The following SRPK2 variants were observed in gnomAD, a reference collection of about 807,000 sequenced individuals.
SRPK2 encodes the protein SFRS protein kinase 2.
SRPK2 carries 21 observed loss-of-function variants against 90.8 expected under a neutral mutation model. The ratio of observed to expected loss-of-function variants is 0.23; its 90% CI spans 0.16 to 0.33. The LOEUF (loss-of-function observed/expected upper bound fraction) is 0.33, where lower values mean the gene tolerates loss of function less well. Among genes scored for constraint, SRPK2 ranks in the 10% least tolerant of loss-of-function variants. The probability of loss-of-function intolerance (pLI) is 1.00; values close to 1 mark genes in which losing one functional copy is unlikely to be tolerated. For synonymous variants in SRPK2, 288 were observed against 311.1 expected (o/e 0.93, Z 0.78); for missense variants, 620 against 869.0 (o/e 0.71, Z 3.60).
rs878935820 is a variant in SRPK2 at position 105,301,783 on chromosome 7, T to C, written c.71+86865A>G. The C allele has an allele frequency of 1.9e-6, 3 of 1,579,442 alleles. No homozygotes were observed. The South Asian group carries it at 3.3e-5, about 17-fold the overall frequency. On this transcript the variant is annotated intron_variant, in intron 2 of 15. Transcript: ENST00000393651. ...ATATTAGCCAAGTTACAGGAAGCAG[T>C]AGAAGCTAATCTTGGAACCGCTATG...
intron 11 of SRPK2, among the ~76,000 whole-genome samples, chr7:105,137,269 A>G (rs1442317910): frequency 6.6e-6 from 1 of 152,256 alleles, no homozygotes; most frequent in African/African-American, 2.4e-5. Flanking sequence ...AGGCACCAAC[A>G]GAGACCTGCC....
At chr7:105,250,662 TTAAAAACATTTAAATTGGAAGAA>T (rs1471756170) in intron 2 of SRPK2, among the ~76,000 whole-genome samples, 4 of 152,210 alleles carry the variant, frequency 2.6e-5, no homozygotes, top group Non-Finnish European at 4.4e-5. Flanking sequence ...TAGATCTACT[TTAAAAACATTTAAATTGGAAGAA>T]TATTTTTTGG....
chr7:105,383,486 T>C (rs1821195767), intron 2 of SRPK2, among the ~76,000 whole-genome samples: 1 of 151,850 alleles, frequency 6.6e-6, no homozygotes, highest in Non-Finnish European at 1.5e-5. Flanking sequence ...AGCGGCATGA[T>C]CTCGGCTCAC....
chr7:105,150,087 T>A (rs1001633221), intron 7 of SRPK2, among the ~76,000 whole-genome samples: 6 of 151,562 alleles, frequency 4.0e-5, no homozygotes, highest in Non-Finnish European at 8.8e-5. Context: ...GCATGGCAAA[T>A]ATGATTTAAT....
chr7:105,374,774 T>C (rs1820097833), intron 2 of SRPK2, among the ~76,000 whole-genome samples: 1 of 152,082 alleles, frequency 6.6e-6, no homozygotes, highest in African/African-American at 2.4e-5. Flanking sequence ...CACGCCCAGC[T>C]ATTTTTGTGT....
At chr7:105,231,791 A>G (rs866050209) in intron 2 of SRPK2, among the ~76,000 whole-genome samples, 7 of 152,234 alleles carry the variant, frequency 4.6e-5, no homozygotes, top group Middle Eastern at 6.8e-3. Flanking sequence ...TAAGTTCTTT[A>G]TAGATGCTGG....
At chr7:105,282,586 T>C (rs1807493551) in intron 2 of SRPK2, among the ~76,000 whole-genome samples, 1 of 152,176 alleles carries the variant, frequency 6.6e-6, no homozygotes, top group Non-Finnish European at 1.5e-5. Flanking sequence ...GCGGATCACT[T>C]GAGGCAAGCC....
At chr7:105,164,460 C>T (rs964195251) in intron 6 of SRPK2, among the ~76,000 whole-genome samples, 1 of 152,040 alleles carries the variant, frequency 6.6e-6, no homozygotes, top group African/African-American at 2.4e-5. Context: ...ATTTTTGTTT[C>T]TTAATCTTAA....
intron 6 of SRPK2, among the ~76,000 whole-genome samples, chr7:105,161,124 A>G (rs1022402200): frequency 6.6e-6 from 1 of 152,026 alleles, no homozygotes; most frequent in Non-Finnish European, 1.5e-5. Context: ...ACAGGGTTTC[A>G]CCATGTTAGC....
intron 2 of SRPK2, among the ~76,000 whole-genome samples, chr7:105,296,724 C>A (rs1374727619): frequency 6.6e-6 from 1 of 152,196 alleles, no homozygotes; most frequent in Non-Finnish European, 1.5e-5. Flanking sequence ...TTAACTGACA[C>A]AGAAGAAAAA....
chr7:105,126,961 G>T, intron 14 of SRPK2, 32 bp downstream of exon 14: 2 of 1,609,158 alleles, frequency 1.2e-6, no homozygotes, highest in Non-Finnish European at 1.7e-6. Context: ...AGAAGACCTA[G>T]ACCGAGGTAT....
At chr7:105,135,022 C>T (rs193106136) in intron 11 of SRPK2, among the ~76,000 whole-genome samples, 1 of 152,110 alleles carries the variant, frequency 6.6e-6, no homozygotes, top group Non-Finnish European at 1.5e-5. Context: ...TGAATATACA[C>T]TGATTCACCT....
intron 3 of SRPK2, among the ~76,000 whole-genome samples, chr7:105,179,542 A>T (rs901538379): frequency 6.6e-6 from 1 of 152,158 alleles, no homozygotes; most frequent in Non-Finnish European, 1.5e-5. Context: ...AAAAATTAAA[A>T]GACCAGGGAT....
rs1248004314 is a variant in SRPK2 at position 105,173,720 on chromosome 7, T to C, written c.230-4455A>G. Among the ~76,000 whole-genome samples the C allele has an allele frequency of 2.0e-5, 3 of 152,190 alleles. No homozygotes were observed. The South Asian group carries it at 6.2e-4, about 32-fold the overall frequency. On this transcript the variant is annotated intron_variant, in intron 3 of 15. Transcript: ENST00000393651. ...AAGACTCAAACTTTATTCAGTTTGCTGCTTCACCAGAGAACAGAAAAGGAG... is the reference window on the plus strand; with the variant it reads ...AAGACTCAAACTTTATTCAGTTTGCCGCTTCACCAGAGAACAGAAAAGGAG...
intron 2 of SRPK2, among the ~76,000 whole-genome samples, chr7:105,374,673 C>G (rs963186267): frequency 6.6e-6 from 1 of 152,158 alleles, no homozygotes; most frequent in African/African-American, 2.4e-5. Flanking sequence ...GGCGCCATCT[C>G]TGGCTTAATA....
chr7:105,139,310 A>T (rs1803350852), intron 11 of SRPK2, among the ~76,000 whole-genome samples: 1 of 152,224 alleles, frequency 6.6e-6, no homozygotes, highest in Non-Finnish European at 1.5e-5. Context: ...ATAATAGGAG[A>T]GGCAAGCAAT....
At chr7:105,247,494 G>A (rs76048259) in intron 2 of SRPK2, among the ~76,000 whole-genome samples, 7 of 137,080 alleles carry the variant, frequency 5.1e-5, no homozygotes, top group East Asian at 4.1e-4. Flanking sequence ...AAATAACACC[G>A]GAGTGCCATA....
At chr7:105,275,713 A>T (rs1001183674) in intron 2 of SRPK2, among the ~76,000 whole-genome samples, 3 of 152,220 alleles carry the variant, frequency 2.0e-5, no homozygotes, top group Admixed American at 2.0e-4. Flanking sequence ...ACTCTACTCA[A>T]AATGATGTCC....
intron 3 of SRPK2, among the ~76,000 whole-genome samples, chr7:105,170,381 T>C (rs35815685): frequency 0.08 from 12,180 of 152,028 alleles, 613 homozygotes; most frequent in Non-Finnish European, 0.11. Flanking sequence ...AACTCCTGCC[T>C]GGAAACATTC....
Sources: gnomAD v4.1 joint callset for allele counts (sites outside exome capture counted in the v4.1 genomes callset) on GRCh38, gnomAD v4.1.1 for gene constraint, MANE v1.5 for transcripts, NCBI Gene and HGNC (gene_info 2026-07-23, HGNC 2026-07-21) for gene names.